Variants in MAGI1 observed in about 807,000 individuals in gnomAD.
MAGI1 encodes membrane associated guanylate kinase, WW and PDZ domain containing 1.
MAGI1 carries 58 observed loss-of-function variants against 139.9 expected under a neutral mutation model. That is an observed-to-expected ratio of 0.41 (90% CI 0.34 to 0.52). The LOEUF (loss-of-function observed/expected upper bound fraction) is 0.52, where lower values mean the gene tolerates loss of function less well. MAGI1 is among the 20% of genes least tolerant of loss of function. The probability of loss-of-function intolerance (pLI) is 0.12; values close to 1 mark genes in which losing one functional copy is unlikely to be tolerated. For synonymous variants in MAGI1, 812 were observed against 737.9 expected (o/e 1.10, Z -1.63); for missense variants, 1,874 against 1,901.6 (o/e 0.99, Z 0.27).
chr3:65,960,540 T>C (rs1576269940), intron 1 of MAGI1, among the ~76,000 whole-genome samples: 1 of 152,328 alleles, frequency 6.6e-6, no homozygotes, highest in East Asian at 1.9e-4. Context: ...CTGGTCCCTG[T>C]GGTCACCAAA....
chr3:65,504,098 G>A (rs938948910), intron 2 of MAGI1, among the ~76,000 whole-genome samples: 1 of 152,160 alleles, frequency 6.6e-6, no homozygotes, highest in Non-Finnish European at 1.5e-5. Context: ...AGCAGCTCAA[G>A]GAGCTGATGT....
chr3:65,455,666 G>C (rs997509282), intron 5 of MAGI1, among the ~76,000 whole-genome samples: 4 of 152,198 alleles, frequency 2.6e-5, no homozygotes, highest in Non-Finnish European at 5.9e-5. Flanking sequence ...GAGCCCAGGA[G>C]GCAGAGGTTG....
chr3:65,447,007 T>C (rs1470213479), intron 7 of MAGI1, among the ~76,000 whole-genome samples: 1 of 152,186 alleles, frequency 6.6e-6, no homozygotes, highest in Non-Finnish European at 1.5e-5. Context: ...ACCAAATGAA[T>C]GCAATAATCT....
chr3:65,870,870 C>G (rs914721850), intron 1 of MAGI1, among the ~76,000 whole-genome samples: 1 of 151,950 alleles, frequency 6.6e-6, no homozygotes, highest in Admixed American at 6.6e-5. Flanking sequence ...ATCACTTGAG[C>G]CCAGGAGTTC....
chr3:65,815,051 G>C (rs899020016), intron 1 of MAGI1, among the ~76,000 whole-genome samples: 2 of 152,058 alleles, frequency 1.3e-5, no homozygotes, highest in South Asian at 2.1e-4. Context: ...GTCCTGCCTC[G>C]TACAGTTCCC....
chr3:65,948,884 C>T (rs2063665338), intron 1 of MAGI1, among the ~76,000 whole-genome samples: 1 of 152,176 alleles, frequency 6.6e-6, no homozygotes, highest in South Asian at 2.1e-4. Flanking sequence ...ATGAATTATG[C>T]AGTTCAATTT....
chr3:65,924,022 T>A (rs1023686105), intron 1 of MAGI1, among the ~76,000 whole-genome samples: 4 of 152,220 alleles, frequency 2.6e-5, no homozygotes, highest in East Asian at 3.8e-4. Context: ...GAAGCAGTAA[T>A]TTATCCAACA....
At chr3:65,602,658 A>AT (rs2106851725) in intron 2 of MAGI1, among the ~76,000 whole-genome samples, 1 of 152,278 alleles carries the variant, frequency 6.6e-6, no homozygotes, top group East Asian at 1.9e-4. Context: ...AAAAATAATG[A>AT]TTTTTAAAAA....
chr3:65,574,283 G>T (rs1356001008), intron 2 of MAGI1, among the ~76,000 whole-genome samples: 1 of 149,870 alleles, frequency 6.7e-6, no homozygotes, highest in Non-Finnish European at 1.5e-5. Context: ...CTTGCCATGG[G>T]GGTTTTCTGT....
At chr3:65,435,660 A>G (rs1465011691) in intron 10 of MAGI1, among the ~76,000 whole-genome samples, 1 of 152,230 alleles carries the variant, frequency 6.6e-6, no homozygotes, top group African/African-American at 2.4e-5. Context: ...TGAGGAAACT[A>G]TTGTTAAATA....
chr3:65,507,474 C>A (rs1397918331), intron 2 of MAGI1, among the ~76,000 whole-genome samples: 1 of 152,188 alleles, frequency 6.6e-6, no homozygotes. Context: ...TATGGGTTCT[C>A]AGGCAGCTGA....
chr3:65,475,290 T>C (rs1044716552), intron 4 of MAGI1, among the ~76,000 whole-genome samples: 1 of 152,166 alleles, frequency 6.6e-6, no homozygotes, highest in African/African-American at 2.4e-5. Context: ...CTCGGCTCAC[T>C]GCAACCTCTG....
chr3:65,635,979 T>C (rs2084592630), intron 1 of MAGI1, among the ~76,000 whole-genome samples: 1 of 152,188 alleles, frequency 6.6e-6, no homozygotes, highest in Non-Finnish European at 1.5e-5. Context: ...CATCATTTGA[T>C]GGGTCTGAAA....
intron 5 of MAGI1, among the ~76,000 whole-genome samples, chr3:65,467,287 T>C (rs1381305711): frequency 2.0e-5 from 3 of 152,256 alleles, no homozygotes; most frequent in Non-Finnish European, 4.4e-5. Flanking sequence ...TGTGTATATA[T>C]TTGCATGTGA....
intron 2 of MAGI1, among the ~76,000 whole-genome samples, chr3:65,609,137 G>A (rs1273279083): frequency 6.6e-6 from 1 of 152,140 alleles, no homozygotes; most frequent in South Asian, 2.1e-4. Context: ...GAAAACCTCA[G>A]TGTTCAAAAT....
rs142459178 is a variant in MAGI1 at position 65,404,088 on chromosome 3, T to C, written c.2168-2618A>G. ...CTTTTGCCTTCCATGAACGTCCACA[T>C]CAAATGGATAATGGGGATATGTTCA... On this transcript the variant is annotated intron_variant, in intron 12 of 22. Transcript: ENST00000402939. Among the ~76,000 whole-genome samples the C allele has an allele frequency of 2.0e-3, 310 of 152,186 alleles. 1 individual carries two copies. The highest frequency in any genetic ancestry group is 7.2e-3 in the African/African-American group (299 of 41,516).
At chr3:65,525,205 C>T (rs1024556208) in intron 2 of MAGI1, among the ~76,000 whole-genome samples, 9 of 152,096 alleles carry the variant, frequency 5.9e-5, no homozygotes, top group African/African-American at 2.2e-4. Context: ...CCCACTGCAC[C>T]GATGTCAAAG....
chr3:65,463,676 GCT>G (rs1949978309), intron 5 of MAGI1, among the ~76,000 whole-genome samples: 2 of 150,708 alleles, frequency 1.3e-5, no homozygotes, highest in Non-Finnish European at 3.0e-5. Context: ...TTTTTCTATT[GCT>G]TGGAATAGTT....
chr3:65,411,938 C>T (rs974957935), intron 12 of MAGI1, among the ~76,000 whole-genome samples: 2 of 152,154 alleles, frequency 1.3e-5, no homozygotes, highest in Admixed American at 1.3e-4. Flanking sequence ...GCCTAGATGA[C>T]CACATGAGTC....
Sources: gnomAD v4.1 joint callset for allele counts (sites outside exome capture counted in the v4.1 genomes callset) on GRCh38, gnomAD v4.1.1 for gene constraint, MANE v1.5 for transcripts, NCBI Gene and HGNC (gene_info 2026-07-23, HGNC 2026-07-21) for gene names.